Variants in DAB1 observed in about 807,000 individuals in gnomAD.
DAB1 encodes the protein DAB adaptor protein 1, also known as disabled homolog 1.
DAB1 carries 15 observed loss-of-function variants against 64.6 expected under a neutral mutation model. That is an observed-to-expected ratio of 0.23 (90% CI 0.16 to 0.36). The LOEUF is 0.36. Ranked by LOEUF, DAB1 falls within the 10% of genes least tolerant of loss-of-function variation. The probability of loss-of-function intolerance (pLI) is 1.00; values close to 1 mark genes in which losing one functional copy is unlikely to be tolerated. For missense variants in DAB1, 596 were observed against 706.7 expected (o/e 0.84, Z 1.78); for synonymous variants, 235 against 251.9 (o/e 0.93, Z 0.64).
chr1:58,073,585 T>C (rs986791485), intron 5 of DAB1, among the ~76,000 whole-genome samples: 4 of 152,222 alleles, frequency 2.6e-5, no homozygotes, highest in African/African-American at 4.8e-5. Context: ...GCTGAGTATA[T>C]AGACAGATTA....
upstream of DAB1, among the ~76,000 whole-genome samples, chr1:57,426,645 A>G (rs1685296434): frequency 1.3e-5 from 2 of 152,144 alleles, no homozygotes; most frequent in African/African-American, 2.4e-5. Flanking sequence ...TTTCAGACAC[A>G]GTTCTGATGC....
chr1:57,342,085 C>T (rs1280272149), intron 1 of DAB1, among the ~76,000 whole-genome samples: 2 of 152,204 alleles, frequency 1.3e-5, no homozygotes, highest in African/African-American at 4.8e-5. Flanking sequence ...AAGTTACTGA[C>T]TTATACATAG....
intron 7 of DAB1, among the ~76,000 whole-genome samples, chr1:57,510,457 C>T (rs180897682): frequency 1.3e-3 from 197 of 152,254 alleles, no homozygotes; most frequent in African/African-American, 4.5e-3. Flanking sequence ...ATACGTTCTC[C>T]TTGAGTGAGC....
At chr1:57,783,461 G>A (rs977757467) in intron 6 of DAB1, among the ~76,000 whole-genome samples, 1 of 152,106 alleles carries the variant, frequency 6.6e-6, no homozygotes, top group Admixed American at 6.6e-5. Flanking sequence ...CCACTTTTAT[G>A]ACTTTTTAAT....
rs538039653 is a variant in DAB1 at position 57,978,886 on chromosome 1, T to A, written n.388-94724A>T. On this transcript the variant is annotated intron_variant and non_coding_transcript_variant, in intron 5 of 20. Coordinates refer to the DAB1 transcript ENST00000485760. ...ATGAGATACAATCTCATGCCTAGAA[T>A]GGCGATCATTAAAACATCAGGAAAC... Among the ~76,000 whole-genome samples the A allele has an allele frequency of 2.0e-5, 3 of 152,144 alleles. No individual in the cohort carries two copies. The South Asian group carries it at 6.2e-4, about 32-fold the overall frequency.
At chr1:57,878,950 T>C (rs563465693) in intron 1 of DAB1, among the ~76,000 whole-genome samples, 1 of 152,314 alleles carries the variant, frequency 6.6e-6, no homozygotes, top group East Asian at 1.9e-4. Flanking sequence ...CCTGGATTAT[T>C]TCATTTAATA....
At chr1:57,070,894 C>T (rs1651391385) in intron 7 of DAB1, 129 bp downstream of exon 7, 2 of 838,932 alleles carry the variant, frequency 2.4e-6, no homozygotes, top group African/African-American at 1.7e-5. Flanking sequence ...GCAGCCCTCA[C>T]CCTCAGAAAT....
intron 7 of DAB1, among the ~76,000 whole-genome samples, chr1:57,485,391 G>A (rs1372385795): frequency 2.0e-5 from 3 of 152,092 alleles, no homozygotes; most frequent in Non-Finnish European, 2.9e-5. Flanking sequence ...TGATAAAGTG[G>A]GATTTGACAA....
intron 5 of DAB1, among the ~76,000 whole-genome samples, chr1:58,131,874 G>A (rs1399536320): frequency 1.3e-5 from 2 of 150,096 alleles, no homozygotes; most frequent in African/African-American, 2.5e-5. Context: ...TGTCAGACAG[G>A]GACATTTAAG....
intron 1 of DAB1, among the ~76,000 whole-genome samples, chr1:57,356,242 T>A (rs1314194002): frequency 6.6e-6 from 1 of 152,110 alleles, no homozygotes; most frequent in Non-Finnish European, 1.5e-5. Flanking sequence ...TAAAACTCAA[T>A]TACCTCAACA....
At chr1:57,605,362 T>C (rs914967398) in intron 7 of DAB1, among the ~76,000 whole-genome samples, 8 of 152,194 alleles carry the variant, frequency 5.3e-5, no homozygotes. Flanking sequence ...ATGCAAATCA[T>C]GTTGAGAGTA....
rs116822625 is a variant in DAB1, at chr1:58,088,596, G to A, written n.387+61915C>T. On this transcript the variant is annotated intron_variant and non_coding_transcript_variant, in intron 5 of 20. Transcript: ENST00000485760. ...TTCAGAAAAAATAAGTATGATTCTA[G>A]AATTACACTCTACTAGGTATGAAGG... Among the ~76,000 whole-genome samples, 1,254 of 152,188 alleles carry A rather than the reference G, an allele frequency of 8.2e-3. 21 individuals are homozygous for A. The highest frequency in any genetic ancestry group is 0.026 in the African/African-American group (1,092 of 41,530).
intron 2 of DAB1, among the ~76,000 whole-genome samples, chr1:57,188,360 T>C (rs1369501367): frequency 1.3e-5 from 2 of 152,084 alleles, no homozygotes; most frequent in African/African-American, 4.8e-5. Context: ...TGATAGTGGT[T>C]CAGTGTGAGT....
chr1:57,976,480 C>A (rs1483128270), intron 5 of DAB1, among the ~76,000 whole-genome samples: 1 of 152,190 alleles, frequency 6.6e-6, no homozygotes, highest in Non-Finnish European at 1.5e-5. Flanking sequence ...TTTGCTCAAC[C>A]AAGTCCACCA....
intron 5 of DAB1, among the ~76,000 whole-genome samples, chr1:58,055,215 G>A (rs1025609022): frequency 6.6e-6 from 1 of 152,120 alleles, no homozygotes; most frequent in Non-Finnish European, 1.5e-5. Context: ...TGCAGATCTG[G>A]CTCCTGTTAC....
At chr1:57,385,709 A>G (rs1041164714) in intron 1 of DAB1, among the ~76,000 whole-genome samples, 1 of 152,294 alleles carries the variant, frequency 6.6e-6, no homozygotes, top group Middle Eastern at 3.4e-3. Context: ...GGATCTAGGG[A>G]GAAAGGGCCT....
intron 2 of DAB1, among the ~76,000 whole-genome samples, chr1:57,180,734 AG>A (rs1401274994): frequency 1.3e-5 from 2 of 152,162 alleles, no homozygotes; most frequent in African/African-American, 4.8e-5. Flanking sequence ...GTAATGACCC[AG>A]ATTTACTCCC....
intron 7 of DAB1, among the ~76,000 whole-genome samples, chr1:57,491,301 G>A (rs1453587763): frequency 3.3e-5 from 5 of 151,660 alleles, no homozygotes; most frequent in Admixed American, 1.3e-4. Flanking sequence ...GGTGGCAGGC[G>A]CCTGTAGTCC....
At chr1:57,122,799 T>C (rs937083977) in intron 4 of DAB1, among the ~76,000 whole-genome samples, 2 of 152,178 alleles carry the variant, frequency 1.3e-5, no homozygotes, top group Non-Finnish European at 2.9e-5. Context: ...TATTCATTAA[T>C]AAATATTTGT....
Sources: allele counts gnomAD v4.1 joint callset (sites outside exome capture counted in the v4.1 genomes callset), GRCh38; gene constraint gnomAD v4.1.1; transcripts MANE v1.5; gene names NCBI Gene and HGNC (gene_info 2026-07-23, HGNC 2026-07-21).